The following ADGRA1 variants were observed in gnomAD, a reference collection of about 807,000 sequenced individuals.
ADGRA1 encodes adhesion G protein-coupled receptor A1, also known as G-protein coupled receptor 123.
Under a neutral mutation model 21.3 loss-of-function variants are expected in ADGRA1, and 12 were observed. That is an observed-to-expected ratio of 0.56 (90% CI 0.36 to 0.91). The LOEUF (loss-of-function observed/expected upper bound fraction) is 0.91, where lower values mean the gene tolerates loss of function less well. Ranked by LOEUF, ADGRA1 falls within the 40% of genes least tolerant of loss-of-function variation. The pLI is 0.01. For missense variants in ADGRA1, 790 were observed against 805.6 expected, an observed-to-expected ratio of 0.98 and a Z score of 0.23; for synonymous variants, 385 against 368.8, an observed-to-expected ratio of 1.04 and a Z score of -0.50.
At chr10:133,095,100 C>T (rs1232352099) in intron 2 of ADGRA1, among the ~76,000 whole-genome samples, 4 of 152,160 alleles carry the variant, frequency 2.6e-5, no homozygotes, top group East Asian at 1.9e-4. Context: ...GAGGGACGTG[C>T]GAATGTCCAC....
chr10:133,097,463 C>T (rs1851707602), intron 3 of ADGRA1, among the ~76,000 whole-genome samples: 1 of 152,224 alleles, frequency 6.6e-6, no homozygotes, highest in Non-Finnish European at 1.5e-5. Context: ...CCTGCAGAGC[C>T]TGGGAGAGGC....
chr10:133,127,338 A>G lies in ADGRA1; in HGVS notation c.500+7A>G. ...AGGACGAGGACACGGCGTAGTGAGT[A>G]CCGGGCACCCAGAACCGGGAGCTGG... On this transcript the variant is annotated splice_region_variant and intron_variant, in intron 6 of 6. Transcript: ENST00000392607. 6.3e-7 allele frequency: 1 copy of G among 1,583,468 alleles called. No homozygotes were observed. The highest frequency in any genetic ancestry group is 1.2e-5 in the South Asian group (1 of 86,594).
At chr10:133,122,863 C>T (rs900706414) in intron 5 of ADGRA1, among the ~76,000 whole-genome samples, 4 of 151,024 alleles carry the variant, frequency 2.6e-5, no homozygotes, top group African/African-American at 9.8e-5. Flanking sequence ...GCACACGCGT[C>T]CCCAGGCTGC....
chr10:133,110,912 T>A (rs1851977826), intron 5 of ADGRA1, among the ~76,000 whole-genome samples: 1 of 152,120 alleles, frequency 6.6e-6, no homozygotes. Flanking sequence ...TGCTGCTGGA[T>A]AATTCAGTGA....
At chr10:133,088,980 A>G in intron 2 of ADGRA1, 68 bp downstream of exon 2, 2 of 1,234,860 alleles carry the variant, frequency 1.6e-6, no homozygotes, top group Non-Finnish European at 2.0e-6. Context: ...GGCCACCCGT[A>G]TGGGGACTCC....
In ADGRA1 at chr10:133,128,866, G is replaced by T. The variant is rs779913804; in HGVS notation, c.1038G>T (p.Ser346=). Reference sequence around the variant, plus strand: ...TGGGCCGCGCCGCCTGCCTGCACTCGCCGGGACTGGGCCAGCCACGGGGCT... The same window carrying T: ...TGGGCCGCGCCGCCTGCCTGCACTCTCCGGGACTGGGCCAGCCACGGGGCT... ...AALGRAACLH[S]PGLGQPRGFA... The change falls in exon 7 of 7, where the codon TCG becomes TCT. Residue 346 remains serine, a synonymous_variant. Transcript: ENST00000392607. 19 of 1,576,582 alleles carry T rather than the reference G, an allele frequency of 1.2e-5. No individual in the cohort carries two copies. The highest frequency in any genetic ancestry group is 2.7e-5 in the African/African-American group (2 of 74,130).
chr10:133,128,820 T>C lies in ADGRA1; in HGVS notation c.992T>C (p.Leu331Pro). ...CPPRKDAHPA[L>P]DANGAALGRA... ...CCCCGCAAGGACGCCCACCCCGCAC[T>C]TGACGCCAACGGGGCCGCGCTGGGC... Residue 331 changes from leucine (L) to proline (P), a missense_variant, in exon 7 of 7, where the codon CTT becomes CCT. Physicochemically the swap from Leu to Pro is moderately conservative, Grantham distance 98. This residue lies in a region of ADGRA1 where 391 missense variants were observed against 351.5 expected (regional missense o/e 1.11). Coordinates refer to ENST00000392607, the MANE Select transcript of ADGRA1 (RefSeq NM_001083909.3). The C allele has an allele frequency of 6.2e-7, 1 of 1,604,852 alleles. No homozygotes were observed. Among genetic ancestry groups the C allele is most frequent in the African/African-American group, 1.3e-5 (1 of 74,712 alleles).
chr10:133,127,577 A>G (rs566425105), intron 6 of ADGRA1, among the ~76,000 whole-genome samples: 38 of 152,168 alleles, frequency 2.5e-4, no homozygotes, highest in African/African-American at 5.5e-4. Context: ...TTTGCCTTCT[A>G]TGGGAGGGGC....
Position 133,098,764 on chromosome 10 carries a change from G to C in ADGRA1, c.255+1G>C. 1 of 1,610,330 alleles carries C rather than the reference G, an allele frequency of 6.2e-7. No individual in the cohort carries two copies. Among genetic ancestry groups the C allele is most frequent in the Non-Finnish European group, 8.5e-7 (1 of 1,179,714 alleles). ...CAAGTACCCCATCCTGTGCCAGGCGGTGAGTGCCGGGGCGCCCTCGTTGGC... is the reference window on the plus strand; with the variant it reads ...CAAGTACCCCATCCTGTGCCAGGCGCTGAGTGCCGGGGCGCCCTCGTTGGC... On this transcript the variant is annotated splice_donor_variant, in intron 4 of 6. Coordinates refer to ENST00000392607, the MANE Select transcript of ADGRA1 (RefSeq NM_001083909.3). LOFTEE classifies it high-confidence loss of function.
At chr10:133,096,919 C>T (rs1214370526) in intron 2 of ADGRA1, 55 bp from the exon 3 acceptor site, 4 of 1,574,242 alleles carry the variant, frequency 2.5e-6, no homozygotes, top group East Asian at 2.3e-5. Context: ...GGCGACGGCG[C>T]CGCCCACACA....
rs3750873 is a variant in ADGRA1 at position 133,131,109 on chromosome 10, G to A, written c.*1598G>A. 8.0e-3 allele frequency: 1,217 copies of A among 152,264 alleles called. 45 individuals carry two copies. In the East Asian group the frequency reaches 0.13, roughly 16 times the overall value. 9.4% of individuals were successfully genotyped at this position (152,264 alleles called of 1,614,324 possible). ...GTGCACCTCCGAGAAGAGGGGTGTCGGGGAGTGTTCCCAGCACCTGCTCGG... is the reference window on the plus strand; with the variant it reads ...GTGCACCTCCGAGAAGAGGGGTGTCAGGGAGTGTTCCCAGCACCTGCTCGG... On this transcript the variant is annotated 3_prime_UTR_variant, in exon 7 of 7. Transcript: ENST00000392607.
At chr10:133,107,195 G>T (rs34304439) in intron 5 of ADGRA1, among the ~76,000 whole-genome samples, 21,555 of 152,180 alleles carry the variant, frequency 0.14, 1,821 homozygotes, top group Non-Finnish European at 0.18. Flanking sequence ...CCTTGTGTCC[G>T]GCAGCTTTGC....
chr10:133,104,149 A>G (rs925778770), intron 5 of ADGRA1, among the ~76,000 whole-genome samples: 30 of 152,378 alleles, frequency 2.0e-4, no homozygotes, highest in African/African-American at 7.2e-4. Flanking sequence ...TTGTTCCAGC[A>G]AACAGCACTC....
At chr10:133,114,117 C>A (rs972500625) in intron 5 of ADGRA1, among the ~76,000 whole-genome samples, 19 of 152,208 alleles carry the variant, frequency 1.2e-4, no homozygotes, top group Non-Finnish European at 1.9e-4. Flanking sequence ...CCACGTGGTA[C>A]AACCCCTTCT....
At chr10:133,096,828 A>G in intron 2 of ADGRA1, 146 bp from the exon 3 acceptor site, 1 of 1,010,336 alleles carries the variant, frequency 9.9e-7, no homozygotes, top group Non-Finnish European at 1.4e-6. Context: ...GTACCTCCCC[A>G]GGCAGCCCCC....
At chr10:133,098,456 G>A (rs529829152) in intron 3 of ADGRA1, among the ~76,000 whole-genome samples, 184 bp from the exon 4 acceptor site, 16 of 152,256 alleles carry the variant, frequency 1.1e-4, no homozygotes, top group Admixed American at 5.9e-4. Flanking sequence ...TCCAGTGGCC[G>A]TCACTCAGGG....
Position 133,129,115 on chromosome 10 carries a change from C to T in ADGRA1, c.1287C>T (p.His429=). 6.4e-7 allele frequency: 1 copy of T among 1,553,118 alleles called. No homozygotes were observed. ...CTAAGCCGCCCTACTTTAGCCGGCA[C>T]CCAGCAGAGGAGCCCGAGTACGCCT... is the stretch of plus-strand genomic sequence containing the variant. ...GRTKPPYFSR[H]PAEEPEYAYH... is the part of the protein sequence containing the mutation. Residue 429 remains histidine, a synonymous_variant, in exon 7 of 7, where the codon CAC becomes CAT. Transcript: ENST00000392607.
chr10:133,128,611 C>A lies in ADGRA1; in HGVS notation c.783C>A (p.Phe261Leu). The A allele has an allele frequency of 1.2e-6, 2 of 1,603,636 alleles. No individual in the cohort carries two copies. Among genetic ancestry groups the A allele is most frequent in the South Asian group, 1.1e-5 (1 of 90,016 alleles). ...SFQAQLRAAA[F>L]TLFLFTATWA... ...AGGCACAGCTGCGCGCCGCCGCCTT[C>A]ACGCTGTTCCTGTTCACGGCCACGT... The change falls in exon 7 of 7, where the codon TTC (phenylalanine) becomes TTA (leucine). Residue 261 changes from phenylalanine (F) to leucine (L), a missense_variant. Phe to Leu is a conservative substitution (Grantham distance 22, BLOSUM62 0). Coordinates refer to ENST00000392607, the MANE Select transcript of ADGRA1 (RefSeq NM_001083909.3).
chr10:133,101,590 A>T (rs1216820107), intron 4 of ADGRA1, among the ~76,000 whole-genome samples: 1 of 152,188 alleles, frequency 6.6e-6, no homozygotes, highest in Non-Finnish European at 1.5e-5. Flanking sequence ...CGCCCCGGGC[A>T]GTGACACTGA....
Sources: allele counts gnomAD v4.1 joint callset (sites outside exome capture counted in the v4.1 genomes callset), GRCh38; gene constraint gnomAD v4.1.1; regional missense constraint gnomAD v4.1.1; transcripts MANE v1.5; gene names NCBI Gene and HGNC (gene_info 2026-07-23, HGNC 2026-07-21).